Variants in NKAIN4 observed in about 807,000 individuals in gnomAD.
NKAIN4 encodes the protein sodium/potassium-transporting ATPase subunit beta-1-interacting protein 4.
NKAIN4 carries 28 observed loss-of-function variants against 28.8 expected under a neutral mutation model. That is an observed-to-expected ratio of 0.97 (90% CI 0.72 to 1.33). NKAIN4 has a LOEUF of 1.33. NKAIN4 is among the 40% of genes most tolerant of loss of function. The pLI is 0.00. For synonymous variants in NKAIN4, 122 were observed against 115.6 expected, an observed-to-expected ratio of 1.06 and a Z score of -0.36; for missense variants, 289 against 277.2, an observed-to-expected ratio of 1.04 and a Z score of -0.30.
chr20:63,246,085 G>A (rs1296006742), intron 4 of NKAIN4, among the ~76,000 whole-genome samples: 8 of 152,102 alleles, frequency 5.3e-5, no homozygotes, highest in Non-Finnish European at 8.8e-5. Flanking sequence ...CCGCCACCAC[G>A]CCCGGCTAAT....
Position 63,248,915 on chromosome 20 carries a change from G to C in NKAIN4, c.193-20C>G. ...CGTGTACTAGGGAGAGGAGAGGATG[G>C]GGCGGCAGCTGAACACAGCTCCCGG... is the stretch of plus-strand genomic sequence containing the variant. On this transcript the variant is annotated intron_variant, in intron 2 of 6. Coordinates refer to ENST00000370316, the MANE Select transcript of NKAIN4 (RefSeq NM_152864.4). The C allele has an allele frequency of 1.3e-6, 2 of 1,582,652 alleles. No individual in the cohort carries two copies. The highest frequency in any genetic ancestry group is 1.7e-6 in the Non-Finnish European group (2 of 1,153,202).
In NKAIN4 at chr20:63,241,384, C is replaced by T. The variant is rs866889409; in HGVS notation, c.*113G>A. ...AGAACCCAGGGCAGGTGCTGCCGGC[C>T]GCCTGGGGGGTGCTGGGTGGGGGCG... On this transcript the variant is annotated 3_prime_UTR_variant, in exon 7 of 7. Coordinates refer to ENST00000370316, the MANE Select transcript of NKAIN4 (RefSeq NM_152864.4). 3.6e-5 allele frequency: 42 copies of T among 1,173,036 alleles called. No individual in the cohort carries two copies. In the East Asian group the frequency reaches 3.6e-4, roughly 10 times the overall value. The allele number at this position is 1,173,036 out of a possible 1,614,324, so 72.7% of individuals were successfully genotyped here.
rs1390857849 is a variant in NKAIN4 at position 63,241,320 on chromosome 20, G to A, written c.*177C>T. 1.5e-5 allele frequency: 9 copies of A among 599,662 alleles called. No individual in the cohort carries two copies. Among genetic ancestry groups the A allele is most frequent in the Non-Finnish European group, 2.4e-5 (8 of 331,980 alleles). The allele number at this position is 599,662 out of a possible 1,614,324, so 37.1% of individuals were successfully genotyped here. A position where few individuals can be genotyped will look rare whatever the true frequency, so the allele number is the denominator to read the frequency against. On this transcript the variant is annotated 3_prime_UTR_variant, in exon 7 of 7. Coordinates refer to ENST00000370316, the MANE Select transcript of NKAIN4 (RefSeq NM_152864.4). ...AACTCTCTTGACGCTGCAGCCAGCC[G>A]TGGCACTGCCCTGCCGCCCTGGCTG...
At chr20:63,246,607 T>C (rs1378650859) in intron 4 of NKAIN4, 1 of 985,088 alleles carries the variant, frequency 1.0e-6, no homozygotes, top group Non-Finnish European at 1.2e-6. Flanking sequence ...GGAGCCTCGC[T>C]CCTGGAAGCC....
Position 63,243,787 on chromosome 20 carries a change from G to C in NKAIN4, c.532+237C>G, listed in dbSNP as rs1294106879. 6.4e-6 allele frequency: 3 copies of C among 465,218 alleles called. No homozygotes were observed. In the Admixed American group the frequency reaches 1.1e-4, roughly 17 times the overall value. 28.8% of individuals were successfully genotyped at this position (465,218 alleles called of 1,614,324 possible). ...GGCAGGCCCAGCCCAAAGCACAGGAGTCCTTGGACCGGGGGGCAGCTGACC... is the reference window on the plus strand; with the variant it reads ...GGCAGGCCCAGCCCAAAGCACAGGACTCCTTGGACCGGGGGGCAGCTGACC... On this transcript the variant is annotated intron_variant, in intron 5 of 6. Coordinates refer to ENST00000370316, the MANE Select transcript of NKAIN4 (RefSeq NM_152864.4).
intron 1 of NKAIN4, among the ~76,000 whole-genome samples, chr20:63,250,396 A>G (rs528833739): frequency 6.6e-6 from 1 of 152,218 alleles, no homozygotes; most frequent in African/African-American, 2.4e-5. Context: ...CTCTGTCCCC[A>G]GTTTCCTCAT....
At position 63,241,453 on chromosome 20, in the gene NKAIN4, G is replaced by C; in HGVS notation, c.*44C>G. 2 of 1,549,586 alleles carry C rather than the reference G, an allele frequency of 1.3e-6. No homozygotes were observed. Among genetic ancestry groups the C allele is most frequent in the Admixed American group, 2.0e-5 (1 of 50,978 alleles). ...CTCCTGTCATTGTCACTGGTCGGTC[G>C]CTGAGGCTGGAGGCCACAGGAGCAG... On this transcript the variant is annotated 3_prime_UTR_variant, in exon 7 of 7. Transcript: ENST00000370316.
chr20:63,241,562 G>A (rs2066751923), intron 6 of NKAIN4, 56 bp from the exon 7 acceptor site: 2 of 1,468,928 alleles, frequency 1.4e-6, no homozygotes, highest in Admixed American at 2.0e-5. Context: ...CAGCCACTGG[G>A]GGCTGCCACC....
At position 63,242,422 on chromosome 20, in the gene NKAIN4, T is replaced by C. The variant is rs111946696; in HGVS notation, c.617+117A>G. ...AAGTGAGAGTGGATGGATGGACGGATGGATGGCAGAACGGACAGGCAGGTG... is the reference window on the plus strand; with the variant it reads ...AAGTGAGAGTGGATGGATGGACGGACGGATGGCAGAACGGACAGGCAGGTG... On this transcript the variant is annotated intron_variant, in intron 6 of 6. Coordinates refer to ENST00000370316, the MANE Select transcript of NKAIN4 (RefSeq NM_152864.4). 3 of 747,708 alleles carry C rather than the reference T, an allele frequency of 4.0e-6. No individual in the cohort carries two copies. The African/African-American group carries it at 5.8e-5, about 14-fold the overall frequency. The allele number at this position is 747,708 out of a possible 1,614,324, so 46.3% of individuals were successfully genotyped here. A position where few individuals can be genotyped will look rare whatever the true frequency, so the allele number is the denominator to read the frequency against.
chr20:63,248,109 G>A (rs1020737777), intron 3 of NKAIN4: 4 of 234,056 alleles, frequency 1.7e-5, no homozygotes, highest in Non-Finnish European at 3.3e-5. Flanking sequence ...TGTCTGCCTC[G>A]GGACAGTCTT....
chr20:63,246,554 C>T (rs972655539), intron 4 of NKAIN4: 71 of 985,322 alleles, frequency 7.2e-5, no homozygotes, highest in Admixed American at 4.3e-4. Context: ...GCCACGGGCT[C>T]CTTAGATTTG....
rs1034376948 is a variant in NKAIN4, at chr20:63,253,110, C to A, written c.54+1287G>T. 2.8e-5 allele frequency: 19 copies of A among 675,944 alleles called. No homozygotes were observed. In the African/African-American group the frequency reaches 3.3e-4, roughly 12 times the overall value. The allele number at this position is 675,944 out of a possible 1,614,324, so 41.9% of individuals were successfully genotyped here. On this transcript the variant is annotated intron_variant, in intron 1 of 6. Coordinates refer to ENST00000370316, the MANE Select transcript of NKAIN4 (RefSeq NM_152864.4). ...GGTGCCTGTCCTTCATGAGGTCATC[C>A]GACGGGCACTGGAGTCTTCGAGTGC...
chr20:63,254,424 C>A lies in NKAIN4; in HGVS notation c.27G>T (p.Ala9=). Residue 9 remains alanine, a synonymous_variant, in exon 1 of 7, where the codon GCG becomes GCT. Transcript: ENST00000370316. ...GCTGAAAAGCGCAGAGGACGACGAG[C>A]GCGCAGCGGCCGGAGCAGGAGCCCA... The part of the protein sequence containing the change: MGSCSGRC[A]LVVLCAFQLV... 1 of 1,440,842 alleles carries A rather than the reference C, an allele frequency of 6.9e-7. No homozygotes were observed. The highest frequency in any genetic ancestry group is 9.1e-7 in the Non-Finnish European group (1 of 1,097,394). The allele number at this position is 1,440,842 out of a possible 1,614,324, so 89.3% of individuals were successfully genotyped here. A position where few individuals can be genotyped will look rare whatever the true frequency, so the allele number is the denominator to read the frequency against.
Position 63,248,840 on chromosome 20 carries a change from T to G in NKAIN4, c.248A>C (p.Tyr83Ser), listed in dbSNP as rs1247707514. The part of the protein sequence containing the change: ...VTWNVFIICF[Y>S]LEVGGLLKDS... ...CTTTAAGAGGCCACCGACTTCCAGG[T>G]AGAAGCAGATGATGAAGACGTTCCA... is the stretch of plus-strand genomic sequence containing the variant. Residue 83 changes from tyrosine (Y) to serine (S), a missense_variant, in exon 3 of 7, where the codon TAC becomes TCC. Tyr to Ser is a moderately radical substitution (Grantham distance 144). Coordinates refer to ENST00000370316, the MANE Select transcript of NKAIN4 (RefSeq NM_152864.4). 6 of 1,612,668 alleles carry G rather than the reference T, an allele frequency of 3.7e-6. No homozygotes were observed. The highest frequency in any genetic ancestry group is 5.1e-6 in the Non-Finnish European group (6 of 1,179,756).
chr20:63,244,343 A>G (rs901263993), intron 4 of NKAIN4: 2 of 557,042 alleles, frequency 3.6e-6, no homozygotes, highest in Non-Finnish European at 6.7e-6. Flanking sequence ...GATAATGGAT[A>G]TTGGGTGGGG....
chr20:63,254,256 G>A, intron 1 of NKAIN4, 141 bp downstream of exon 1: 1 of 630,040 alleles, frequency 1.6e-6, no homozygotes, highest in Non-Finnish European at 2.4e-6. Context: ...GTAGCAGCCC[G>A]GGGTCCGAGG....
intron 5 of NKAIN4, among the ~76,000 whole-genome samples, chr20:63,243,175 T>A (rs570793155): frequency 6.6e-6 from 1 of 152,312 alleles, no homozygotes; most frequent in Admixed American, 6.5e-5. Context: ...ACCAGTCGTT[T>A]GCCTCCTCCC....
intron 5 of NKAIN4, among the ~76,000 whole-genome samples, chr20:63,243,582 C>T (rs1409794951): frequency 6.6e-6 from 1 of 152,194 alleles, no homozygotes; most frequent in Non-Finnish European, 1.5e-5. Context: ...GGAAAGCTGA[C>T]GGGCTGGCGA....
chr20:63,243,914 G>A (rs1232260921), intron 5 of NKAIN4, 110 bp downstream of exon 5: 1 of 865,886 alleles, frequency 1.2e-6, no homozygotes, highest in South Asian at 1.6e-5. Flanking sequence ...TGGGCGTGAG[G>A]TCCCTTCCAA....
Sources: gnomAD v4.1 joint callset for allele counts (sites outside exome capture counted in the v4.1 genomes callset) on GRCh38, gnomAD v4.1.1 for gene constraint, MANE v1.5 for transcripts, NCBI Gene and HGNC (gene_info 2026-07-23, HGNC 2026-07-21) for gene names.